Variants in MS4A13 observed in about 807,000 individuals in gnomAD.
MS4A13 encodes membrane-spanning 4-domains subfamily A member 13.
In MS4A13, 21 loss-of-function variants were observed where a neutral mutation model predicts 18.4. The observed-to-expected ratio is 1.14, with a 90% CI of 0.81 to 1.64. The LOEUF is 1.64. Among genes scored for constraint, MS4A13 ranks in the 40% most tolerant of loss-of-function variants. The probability of loss-of-function intolerance (pLI) is 0.00; values close to 1 mark genes in which losing one functional copy is unlikely to be tolerated. For synonymous variants in MS4A13, 62 were observed against 57.2 expected, an observed-to-expected ratio of 1.08 and a Z score of -0.38; for missense variants, 173 against 176.8, an observed-to-expected ratio of 0.98 and a Z score of 0.12.
chr11:60,527,402 CTCTCTCTCTGTGTGTGTGTG>C (rs2086724860), intron 5 of MS4A13, among the ~76,000 whole-genome samples: 50 of 81,630 alleles, frequency 6.1e-4, no homozygotes, highest in African/African-American at 2.8e-3. Context: ...CTCTCTCTCT[CTCTCTCTCTGTGTGTGTGTG>C]TGTGTGTGTG....
At chr11:60,517,184 T>TAA (rs79895665) in intron 2 of MS4A13, among the ~76,000 whole-genome samples, 17,081 of 148,480 alleles carry the variant, frequency 0.12, 1,159 homozygotes, top group South Asian at 0.25. Context: ...GACTTTTTCT[T>TAA]AAAAAAAAAA....
chr11:60,530,133 C>G (rs1183076309), intron 6 of MS4A13, among the ~76,000 whole-genome samples: 1 of 152,166 alleles, frequency 6.6e-6, no homozygotes, highest in Admixed American at 6.5e-5. Flanking sequence ...GACTACATAT[C>G]TAACATTCAT....
At position 60,525,107 on chromosome 11, in the gene MS4A13, G is replaced by C; in HGVS notation, c.187-100G>C. 6 of 821,046 alleles carry C rather than the reference G, an allele frequency of 7.3e-6. No homozygotes were observed. The South Asian group carries it at 9.7e-5, about 13-fold the overall frequency. The allele number at this position is 821,046 out of a possible 1,614,324, so 50.9% of individuals were successfully genotyped here. The stretch of plus-strand genomic sequence containing the variant: ...AATACTTCTAAGACTTCAGAAACTA[G>C]ATCAAAGTTTTAACTAGATGAGTTT... On this transcript the variant is annotated intron_variant, in intron 4 of 6. Coordinates refer to ENST00000378186, the MANE Select transcript of MS4A13 (RefSeq NM_001012417.3).
chr11:60,521,564 T>G (rs1208260219), intron 3 of MS4A13, among the ~76,000 whole-genome samples: 1 of 152,212 alleles, frequency 6.6e-6, no homozygotes, highest in East Asian at 1.9e-4. Context: ...AGAGTCACCT[T>G]GCTCTAATTC....
chr11:60,521,776 T>G (rs959136745), intron 3 of MS4A13, among the ~76,000 whole-genome samples: 1 of 152,232 alleles, frequency 6.6e-6, no homozygotes, highest in African/African-American at 2.4e-5. Flanking sequence ...TCCAAATTTT[T>G]GGGTATCTTT....
At chr11:60,520,257 G>A (rs2086664898) in intron 3 of MS4A13, among the ~76,000 whole-genome samples, 1 of 152,052 alleles carries the variant, frequency 6.6e-6, no homozygotes, top group Non-Finnish European at 1.5e-5. Context: ...GAGTTTTTCT[G>A]CCCCTGGCCC....
intron 6 of MS4A13, among the ~76,000 whole-genome samples, chr11:60,532,581 A>G (rs932374899): frequency 6.6e-6 from 1 of 152,160 alleles, no homozygotes; most frequent in African/African-American, 2.4e-5. Flanking sequence ...GCGAGGTGGC[A>G]GCGAGGTTGG....
intron 6 of MS4A13, among the ~76,000 whole-genome samples, chr11:60,542,180 AAGAAGAAAG>A (rs1309564402): frequency 6.8e-6 from 1 of 147,924 alleles, no homozygotes. Context: ...GAGAGAAAGA[AAGAAGAAAG>A]GGAAGAAAGG....
rs908702250 is a variant in MS4A13, at chr11:60,538,411, G to T, written c.403-4108G>T. Reference sequence around the variant, plus strand: ...ATATTCCAAAACTACCAAAAGAGTTGATTTTAAATGTTTTCATCACAAAGA... The same window carrying T: ...ATATTCCAAAACTACCAAAAGAGTTTATTTTAAATGTTTTCATCACAAAGA... On this transcript the variant is annotated intron_variant, in intron 6 of 6. Coordinates refer to ENST00000378186, the MANE Select transcript of MS4A13 (RefSeq NM_001012417.3). 2.6e-5 allele frequency among the ~76,000 whole-genome samples: 4 copies of T among 151,442 alleles called. No individual in the cohort carries two copies. The South Asian group carries it at 8.4e-4, about 32-fold the overall frequency.
At chr11:60,518,287 G>A (rs775291772) in intron 3 of MS4A13, 75 bp downstream of exon 3, 20 of 1,260,880 alleles carry the variant, frequency 1.6e-5, no homozygotes, top group South Asian at 6.8e-5. Flanking sequence ...GGTAGGGAAC[G>A]GTTTCTGAAC....
At chr11:60,541,782 A>G (rs930359855) in intron 6 of MS4A13, among the ~76,000 whole-genome samples, 1 of 152,098 alleles carries the variant, frequency 6.6e-6, no homozygotes, top group African/African-American at 2.4e-5. Flanking sequence ...CAAAAGATAC[A>G]AGTGATCCAA....
chr11:60,528,966 G>A (rs78287096), intron 5 of MS4A13, among the ~76,000 whole-genome samples: 1,883 of 152,288 alleles, frequency 0.012, 62 homozygotes, highest in East Asian at 0.11. Context: ...AATAATAGCT[G>A]TTTTAATAGA....
intron 6 of MS4A13, among the ~76,000 whole-genome samples, chr11:60,532,345 C>A (rs1338326024): frequency 6.6e-6 from 1 of 152,214 alleles, no homozygotes; most frequent in Non-Finnish European, 1.5e-5. Flanking sequence ...CAGGGCGAGG[C>A]ATTGCCTCAC....
intron 6 of MS4A13, among the ~76,000 whole-genome samples, chr11:60,538,614 A>T (rs1484882658): frequency 6.6e-6 from 1 of 152,024 alleles, no homozygotes; most frequent in Admixed American, 6.6e-5. Context: ...GACAGTACAG[A>T]AATTTTTTTC....
At chr11:60,542,199 G>A (rs561264005) in intron 6 of MS4A13, among the ~76,000 whole-genome samples, 24 of 129,352 alleles carry the variant, frequency 1.9e-4, no homozygotes, top group African/African-American at 6.7e-4. Flanking sequence ...GGGAAGAAAG[G>A]GAGGAAGGGA....
At chr11:60,539,918 G>A (rs1243228808) in intron 6 of MS4A13, among the ~76,000 whole-genome samples, 2 of 152,146 alleles carry the variant, frequency 1.3e-5, no homozygotes, top group Non-Finnish European at 2.9e-5. Flanking sequence ...TGTGTTGCTA[G>A]CAGAAATTCC....
chr11:60,524,368 A>T (rs1306634275), intron 4 of MS4A13, among the ~76,000 whole-genome samples: 7 of 152,182 alleles, frequency 4.6e-5, no homozygotes, highest in Non-Finnish European at 1.0e-4. Flanking sequence ...TTAAAGATCC[A>T]TGCATGGTAT....
intron 5 of MS4A13, among the ~76,000 whole-genome samples, chr11:60,528,986 C>A (rs1310350344): frequency 6.6e-6 from 1 of 152,126 alleles, no homozygotes; most frequent in East Asian, 1.9e-4. Context: ...AAAAGGATTG[C>A]TTGATAAATC....
chr11:60,520,202 T>A (rs1401427195), intron 3 of MS4A13, among the ~76,000 whole-genome samples: 3 of 152,128 alleles, frequency 2.0e-5, no homozygotes, highest in African/African-American at 7.2e-5. Context: ...GCTGTTCTCA[T>A]GATAGTGAAT....
Sources: allele counts gnomAD v4.1 joint callset (sites outside exome capture counted in the v4.1 genomes callset), GRCh38; gene constraint gnomAD v4.1.1; transcripts MANE v1.5; gene names NCBI Gene and HGNC (gene_info 2026-07-23, HGNC 2026-07-21).